The following LURAP1L variants were observed in gnomAD, a reference collection of about 807,000 sequenced individuals.
LURAP1L encodes leucine rich adaptor protein 1 like.
LURAP1L carries 12 observed loss-of-function variants against 13.8 expected under a neutral mutation model. The observed-to-expected ratio is 0.87, with a 90% confidence interval of 0.56 to 1.41. LURAP1L has a LOEUF of 1.41. Ranked by LOEUF, LURAP1L falls within the 40% of genes most tolerant of loss-of-function variation. The probability of loss-of-function intolerance (pLI) is 0.00; values close to 1 mark genes in which losing one functional copy is unlikely to be tolerated. For missense variants in LURAP1L, 375 were observed against 292.9 expected (o/e 1.28, Z -2.04); for synonymous variants, 139 against 119.2 (o/e 1.17, Z -1.08).
intron 1 of LURAP1L, among the ~76,000 whole-genome samples, chr9:12,808,443 C>T (rs937407625): frequency 6.6e-6 from 1 of 152,172 alleles, no homozygotes; most frequent in South Asian, 2.1e-4. Flanking sequence ...CCATCCACCC[C>T]CAGAACTTTT....
rs1022484400 is a variant in LURAP1L at position 12,777,695 on chromosome 9, A to C, written c.312+1668A>C. 1.0e-4 allele frequency: 48 copies of C among 465,950 alleles called. No individual in the cohort carries two copies. The Admixed American group carries it at 1.1e-3, about 11-fold the overall frequency. 28.9% of individuals were successfully genotyped at this position (465,950 alleles called of 1,614,324 possible). On this transcript the variant is annotated intron_variant, in intron 1 of 1. Coordinates refer to ENST00000319264, the MANE Select transcript of LURAP1L (RefSeq NM_203403.2). ...ACTTGAAAACAGTAACATTTCCAAA[A>C]ACCGATGAACCCCACCCTGTCCCAA...
chr9:12,796,606 G>A (rs1228380532), intron 1 of LURAP1L, among the ~76,000 whole-genome samples: 2 of 151,954 alleles, frequency 1.3e-5, no homozygotes, highest in Non-Finnish European at 2.9e-5. Context: ...TAATTTATAA[G>A]CTGGAGGAAT....
At chr9:12,779,485 A>G (rs1464627994) in intron 1 of LURAP1L, among the ~76,000 whole-genome samples, 1 of 152,092 alleles carries the variant, frequency 6.6e-6, no homozygotes, top group Non-Finnish European at 1.5e-5. Flanking sequence ...CGTGTTAGCT[A>G]GGATGGTCTC....
intron 1 of LURAP1L, among the ~76,000 whole-genome samples, chr9:12,783,498 T>C (rs1171275661): frequency 6.6e-6 from 1 of 152,230 alleles, no homozygotes; most frequent in Non-Finnish European, 1.5e-5. Flanking sequence ...ATATGATGTA[T>C]CACATTGGTG....
intron 1 of LURAP1L, among the ~76,000 whole-genome samples, chr9:12,786,029 A>G (rs560312041): frequency 3.3e-5 from 5 of 152,254 alleles, no homozygotes; most frequent in African/African-American, 1.2e-4. Context: ...ATGTTTGGAT[A>G]TCATTTTTCT....
intron 1 of LURAP1L, among the ~76,000 whole-genome samples, chr9:12,803,582 T>A (rs1819616115): frequency 6.6e-6 from 1 of 152,216 alleles, no homozygotes; most frequent in Non-Finnish European, 1.5e-5. Flanking sequence ...ATAAACATGA[T>A]AAATTACATC....
chr9:12,783,359 A>G (rs946868079), intron 1 of LURAP1L, among the ~76,000 whole-genome samples: 4 of 151,832 alleles, frequency 2.6e-5, no homozygotes, highest in African/African-American at 9.7e-5. Flanking sequence ...TATGGCTTTT[A>G]TTGTGCAGTG....
In LURAP1L at chr9:12,803,457, C is replaced by T. The variant is rs1819614795; in HGVS notation, c.313-17929C>T. 1.3e-5 allele frequency among the ~76,000 whole-genome samples: 2 copies of T among 152,148 alleles called. 1 individual carries two copies. The highest frequency in any genetic ancestry group is 4.1e-4 in the South Asian group (2 of 4,826). On this transcript the variant is annotated intron_variant, in intron 1 of 1. Coordinates refer to ENST00000319264, the MANE Select transcript of LURAP1L (RefSeq NM_203403.2). ...TCGCTATTCCCACTAAATGATACTGCCAATGGGTAGTTAAGTCACAGGACA... is the reference window on the plus strand; with the variant it reads ...TCGCTATTCCCACTAAATGATACTGTCAATGGGTAGTTAAGTCACAGGACA...
chr9:12,776,013 C>T lies in LURAP1L; in HGVS notation c.298C>T (p.Leu100Phe), dbSNP rs1319149800. The T allele has an allele frequency of 6.2e-7, 1 of 1,612,604 alleles. No individual in the cohort carries two copies. The highest frequency in any genetic ancestry group is 8.5e-7 in the Non-Finnish European group (1 of 1,179,570). ...LERLETKLHL[L>F]RQEMVNLRAT... ...GAGGCTAGAAACCAAGCTTCACCTC[C>T]TCAGGCAAGAGATGGTGAGTGTGGT... is the stretch of plus-strand genomic sequence containing the variant. The change falls in exon 1 of 2, where the codon CTC becomes TTC. Residue 100 changes from leucine to phenylalanine, a missense_variant. Transcript: ENST00000319264.
chr9:12,808,174 T>C (rs1427128097), intron 1 of LURAP1L, among the ~76,000 whole-genome samples: 1 of 152,114 alleles, frequency 6.6e-6, no homozygotes, highest in Non-Finnish European at 1.5e-5. Context: ...TCTTCCATTT[T>C]TTTTAATACA....
intron 1 of LURAP1L, among the ~76,000 whole-genome samples, chr9:12,801,336 G>C (rs1241220623): frequency 6.6e-6 from 1 of 151,508 alleles, no homozygotes; most frequent in Admixed American, 6.6e-5. Context: ...GGCTAAAGCT[G>C]TTAAGAAACT....
At chr9:12,809,385 C>G (rs1408410351) in intron 1 of LURAP1L, among the ~76,000 whole-genome samples, 2 of 152,156 alleles carry the variant, frequency 1.3e-5, no homozygotes, top group Non-Finnish European at 2.9e-5. Context: ...CTCACTGATT[C>G]TTTCCTCAGC....
chr9:12,792,033 A>G (rs1819447583), intron 1 of LURAP1L, among the ~76,000 whole-genome samples: 1 of 152,140 alleles, frequency 6.6e-6, no homozygotes, highest in Non-Finnish European at 1.5e-5. Context: ...TGCCTAAAGC[A>G]TAGGAGGGTT....
Position 12,775,699 on chromosome 9 carries a change from G to C in LURAP1L, c.-17G>C. ...TCTGCTGCGTTTTATTACTATTATC[G>C]CCGTTCCGGAAAAGTCATGGAAGAC... On this transcript the variant is annotated 5_prime_UTR_variant, in exon 1 of 2. Transcript: ENST00000319264. 1.3e-6 allele frequency: 2 copies of C among 1,550,966 alleles called. No individual in the cohort carries two copies.
chr9:12,784,953 C>T (rs148450238), intron 1 of LURAP1L, among the ~76,000 whole-genome samples: 1 of 151,922 alleles, frequency 6.6e-6, no homozygotes, highest in Non-Finnish European at 1.5e-5. Context: ...TTACTCTCCT[C>T]TCTTATTTCC....
intron 1 of LURAP1L, among the ~76,000 whole-genome samples, chr9:12,788,315 G>C (rs187583035): frequency 1.6e-3 from 251 of 152,218 alleles, no homozygotes; most frequent in African/African-American, 5.9e-3. Context: ...GCCTTGGCAA[G>C]GATGGAGATA....
At chr9:12,778,137 G>T (rs1819217491) in intron 1 of LURAP1L, among the ~76,000 whole-genome samples, 2 of 152,106 alleles carry the variant, frequency 1.3e-5, no homozygotes, top group Non-Finnish European at 2.9e-5. Flanking sequence ...TGGTCCTCTG[G>T]TCTGGTGGAA....
At chr9:12,796,689 T>C (rs949406432) in intron 1 of LURAP1L, among the ~76,000 whole-genome samples, 8 of 152,024 alleles carry the variant, frequency 5.3e-5, no homozygotes, top group Non-Finnish European at 1.0e-4. Flanking sequence ...AATATTCTAA[T>C]AGTTTTTTTT....
intron 1 of LURAP1L, among the ~76,000 whole-genome samples, chr9:12,812,742 T>C (rs1819754557): frequency 6.6e-6 from 1 of 152,174 alleles, no homozygotes; most frequent in Non-Finnish European, 1.5e-5. Flanking sequence ...AATCTTCAAA[T>C]GCATTGCTGA....
Sources: allele counts gnomAD v4.1 joint callset (sites outside exome capture counted in the v4.1 genomes callset), GRCh38; gene constraint gnomAD v4.1.1; transcripts MANE v1.5; gene names NCBI Gene and HGNC (gene_info 2026-07-23, HGNC 2026-07-21).